The following SMARCE1 variants were observed in gnomAD, a reference collection of about 807,000 sequenced individuals.
The protein encoded by SMARCE1 is SWI/SNF-related matrix-associated actin-dependent regulator of chromatin subfamily E member 1.
In SMARCE1, 13 loss-of-function variants were observed where a neutral mutation model predicts 54.9. The observed-to-expected ratio is 0.24, with a 90% CI of 0.15 to 0.38. The LOEUF (loss-of-function observed/expected upper bound fraction) is 0.38. Ranked by LOEUF, SMARCE1 falls within the 10% of genes least tolerant of loss-of-function variation. The probability of loss-of-function intolerance (pLI) is 1.00; values close to 1 mark genes in which losing one functional copy is unlikely to be tolerated. For missense variants in SMARCE1, 295 were observed against 523.8 expected (o/e 0.56, Z 4.26); for synonymous variants, 151 against 175.3 (o/e 0.86, Z 1.10).
intron 6 of SMARCE1, 136 bp downstream of exon 6, chr17:40,636,259 C>G: frequency 1.7e-6 from 2 of 1,172,604 alleles, no homozygotes; most frequent in Non-Finnish European, 2.4e-6. Context: ...CCTTGAGAAA[C>G]TGACTTGACT....
intron 10 of SMARCE1, chr17:40,629,916 T>G: frequency 5.7e-6 from 2 of 350,474 alleles, no homozygotes; most frequent in Non-Finnish European, 1.0e-5. Context: ...GGATTAAATT[T>G]TGCAGAAATA....
At chr17:40,637,871 G>A (rs969193549) in intron 4 of SMARCE1, 5 of 376,512 alleles carry the variant, frequency 1.3e-5, no homozygotes, top group African/African-American at 4.2e-5. Context: ...TATATCAACC[G>A]TCTCAAGTTC....
chr17:40,637,661 C>A, intron 4 of SMARCE1, 89 bp from the exon 5 acceptor site: 1 of 927,260 alleles, frequency 1.1e-6, no homozygotes, highest in Admixed American at 1.9e-5. Context: ...TTCTAATGCG[C>A]CTTTCTTCTA....
chr17:40,645,861 A>G lies in SMARCE1; in HGVS notation c.-45-14T>C. 1.2e-6 allele frequency: 1 copy of G among 810,234 alleles called. No individual in the cohort carries two copies. The highest frequency in any genetic ancestry group is 1.8e-6 in the Non-Finnish European group (1 of 568,576). 50.2% of individuals were successfully genotyped at this position (810,234 alleles called of 1,614,324 possible). ...GAATCTGAGACACTAAAATAAAAAA[A>G]AAAGGAAAAAAAAAAGAGAATCAAA... On this transcript the variant is annotated splice_polypyrimidine_tract_variant and intron_variant, in intron 1 of 10. Transcript: ENST00000348513.
chr17:40,632,170 T>G (rs1567845751), intron 8 of SMARCE1, 25 bp downstream of exon 8: 2 of 1,583,080 alleles, frequency 1.3e-6, no homozygotes, highest in Non-Finnish European at 1.7e-6. Context: ...CACATCTTAT[T>G]GAAATGAATG....
Position 40,626,961 on chromosome 17 carries a change from AG to A in SMARCE1, c.*1823del, listed in dbSNP as rs1211517248. The A allele has an allele frequency of 6.6e-6, 1 of 151,442 alleles. No individual in the cohort carries two copies. The highest frequency in any genetic ancestry group is 2.4e-5 in the African/African-American group (1 of 41,126). 9.4% of individuals were successfully genotyped at this position (151,442 alleles called of 1,614,324 possible). The stretch of plus-strand genomic sequence containing the variant: ...GACTTGTCTTCCCACTGCTATTTCC[AG>A]CCGGGCAAAAGAACCACTTCCATTC... On this transcript the variant is annotated 3_prime_UTR_variant, in exon 11 of 11. Transcript: ENST00000348513.
In SMARCE1 at chr17:40,628,673, G is replaced by C. The variant is rs2037058156; in HGVS notation, c.*112C>G. On this transcript the variant is annotated 3_prime_UTR_variant, in exon 11 of 11. Coordinates refer to ENST00000348513, the MANE Select transcript of SMARCE1 (RefSeq NM_003079.5). ...CTAAATGGTCCAAAAGCCTTTGGTG[G>C]TGTGATATGGACAAGAAAAAAAATT... The C allele has an allele frequency of 2.6e-6, 2 of 766,102 alleles. No individual in the cohort carries two copies. The highest frequency in any genetic ancestry group is 2.6e-5 in the East Asian group (1 of 38,978). 47.5% of individuals were successfully genotyped at this position (766,102 alleles called of 1,614,324 possible).
At chr17:40,637,029 CAAA>C (rs398041688) in intron 5 of SMARCE1, 104 of 101,354 alleles carry the variant, frequency 1.0e-3, no homozygotes, top group South Asian at 4.9e-3. Flanking sequence ...GGCTCATCAC[CAAA>C]AAAAAAAAAA....
At position 40,642,388 on chromosome 17, in the gene SMARCE1, T is replaced by TA. The variant is rs2037208143; in HGVS notation, c.156+66dup. The stretch of plus-strand genomic sequence containing the variant: ...GCTGTGCTTATGATTCAAAAAGACC[T>TA]AATTCTGAAGGCATTTCTGGTCAAT... On this transcript the variant is annotated intron_variant, in intron 4 of 10. Coordinates refer to ENST00000348513, the MANE Select transcript of SMARCE1 (RefSeq NM_003079.5). This position sits in a 1 kb window ranked among gnomAD's most constrained non-coding sequence, Gnocchi z 4.6. 1 of 1,017,338 alleles carries TA rather than the reference T, an allele frequency of 9.8e-7. No individual in the cohort carries two copies. The highest frequency in any genetic ancestry group is 1.6e-6 in the Non-Finnish European group (1 of 635,110). 63.0% of individuals were successfully genotyped at this position (1,017,338 alleles called of 1,614,324 possible).
chr17:40,636,879 T>C (rs1483724837), intron 5 of SMARCE1: 1 of 179,914 alleles, frequency 5.6e-6, no homozygotes, highest in African/African-American at 2.4e-5. Flanking sequence ...AGTGCTTAAT[T>C]TGCATAACAC....
chr17:40,632,509 G>A (rs2037105251), intron 7 of SMARCE1, 142 bp from the exon 8 acceptor site: 1 of 641,806 alleles, frequency 1.6e-6, no homozygotes, highest in South Asian at 2.0e-5. Flanking sequence ...GGAGCACTGG[G>A]GCAGTTACTT....
Position 40,626,594 on chromosome 17 carries a change from G to C in SMARCE1, c.*2191C>G, listed in dbSNP as rs536858551. ...GAGCTGTCAAATCCCAACTGAGGCC[G>C]GGCACAGTGGCTCACGCCTGTAATC... On this transcript the variant is annotated 3_prime_UTR_variant, in exon 11 of 11. Transcript: ENST00000348513. The C allele has an allele frequency of 1.3e-5, 2 of 152,436 alleles. No homozygotes were observed. Among genetic ancestry groups the C allele is most frequent in the East Asian group, 3.9e-4 (2 of 5,180 alleles). The allele number at this position is 152,436 out of a possible 1,614,324, so 9.4% of individuals were successfully genotyped here.
chr17:40,645,476 CTGTTGCTGTGA>C (rs1272676058), intron 3 of SMARCE1, 89 bp downstream of exon 3: 1 of 630,802 alleles, frequency 1.6e-6, no homozygotes, highest in Non-Finnish European at 2.7e-6. Flanking sequence ...GAATTTCATC[CTGTTGCTGTGA>C]TGATTGAGTG....
chr17:40,636,370 A>G (rs2037146214), intron 6 of SMARCE1, 25 bp downstream of exon 6: 3 of 1,603,736 alleles, frequency 1.9e-6, no homozygotes, highest in Non-Finnish European at 2.6e-6. Context: ...CACATTATCT[A>G]TCCCACTGTG....
chr17:40,644,091 T>C (rs1306779994), intron 3 of SMARCE1: 2 of 152,308 alleles, frequency 1.3e-5, no homozygotes, highest in African/African-American at 2.4e-5. Flanking sequence ...TTCTATATTT[T>C]GTGTGTTAAT....
At chr17:40,633,383 C>T (rs2037115112) in intron 7 of SMARCE1, 1 of 151,978 alleles carries the variant, frequency 6.6e-6, no homozygotes, top group South Asian at 2.1e-4. Flanking sequence ...CATAGTTTTT[C>T]ATATATCTAC....
intron 4 of SMARCE1, chr17:40,641,258 T>A (rs1469549571): frequency 6.6e-6 from 1 of 152,234 alleles, no homozygotes; most frequent in African/African-American, 2.4e-5. Context: ...CATGTATTGA[T>A]GCACATAAAA....
intron 4 of SMARCE1, among the ~76,000 whole-genome samples, chr17:40,638,100 C>T (rs1047721053): frequency 3.3e-5 from 5 of 152,206 alleles, no homozygotes; most frequent in African/African-American, 1.2e-4. Flanking sequence ...AACAAACCAC[C>T]TTACCTCCTT....
At chr17:40,637,600 T>G in intron 4 of SMARCE1, 28 bp from the exon 5 acceptor site, 1 of 1,577,750 alleles carries the variant, frequency 6.3e-7, no homozygotes, top group Non-Finnish European at 8.7e-7. Context: ...ACATTCATTA[T>G]TCAACTGTAA....
Sources: allele counts gnomAD v4.1 joint callset (sites outside exome capture counted in the v4.1 genomes callset), GRCh38; gene constraint gnomAD v4.1.1; non-coding constraint Gnocchi (gnomAD v3.1); transcripts MANE v1.5; gene names NCBI Gene and HGNC (gene_info 2026-07-23, HGNC 2026-07-21).